The following ACBD3 variants were observed in gnomAD, a reference collection of about 807,000 sequenced individuals.
ACBD3 encodes the protein acyl-CoA binding domain containing 3.
ACBD3 carries 30 observed loss-of-function variants against 66.9 expected under a neutral mutation model. The ratio of observed to expected loss-of-function variants is 0.45; its 90% CI spans 0.34 to 0.61. ACBD3 has a LOEUF of 0.61. Among genes scored for constraint, ACBD3 ranks in the 20% least tolerant of loss-of-function variants. The pLI, the probability that ACBD3 is intolerant of heterozygous loss-of-function variation, is 0.02. For synonymous variants in ACBD3, 278 were observed against 259.8 expected (o/e 1.07, Z -0.68); for missense variants, 544 against 664.5 (o/e 0.82, Z 1.99).
At chr1:226,164,706 A>G (rs866392448) in intron 3 of ACBD3, 83 bp downstream of exon 3, 2 of 1,404,360 alleles carry the variant, frequency 1.4e-6, no homozygotes, top group East Asian at 2.5e-5. Context: ...CTGATCTAGA[A>G]CTAGAACAGA....
Position 226,164,893 on chromosome 1 carries a change from C to T in ACBD3, c.465G>A (p.Glu155=). The T allele has an allele frequency of 6.2e-7, 1 of 1,606,486 alleles. No homozygotes were observed. Among genetic ancestry groups the T allele is most frequent in the Non-Finnish European group, 8.5e-7 (1 of 1,176,444 alleles). Residue 155 remains glutamate, a synonymous_variant, in exon 3 of 8, where the codon GAG becomes GAA. Coordinates refer to ENST00000366812, the MANE Select transcript of ACBD3 (RefSeq NM_022735.4). The part of the protein sequence containing the change: ...EWAALGNMSK[E]DAMVEFVKLL... ...GCTTGACAAACTCCACCATGGCATCCTCTTTAGACATGTTTCCCAGGGCTG... is the reference window on the plus strand; with the variant it reads ...GCTTGACAAACTCCACCATGGCATCTTCTTTAGACATGTTTCCCAGGGCTG...
At chr1:226,163,267 GA>G (rs1659804270) in intron 3 of ACBD3, among the ~76,000 whole-genome samples, 1 of 152,076 alleles carries the variant, frequency 6.6e-6, no homozygotes, top group Non-Finnish European at 1.5e-5. Context: ...TTTTTAAAAC[GA>G]AAACGCAGCT....
intron 1 of ACBD3, among the ~76,000 whole-genome samples, chr1:226,183,617 G>T (rs1576243829): frequency 6.6e-6 from 1 of 152,156 alleles, no homozygotes; most frequent in African/African-American, 2.4e-5. Flanking sequence ...AAAGGTGCCG[G>T]GCACGGTGGC....
Position 226,161,625 on chromosome 1 carries a change from C to T in ACBD3, c.634G>A (p.Glu212Lys), listed in dbSNP as rs368235683. The change falls in exon 4 of 8, where the codon GAG (glutamate) becomes AAG (lysine). Residue 212 changes from glutamate to lysine, a missense_variant. Coordinates refer to ENST00000366812, the MANE Select transcript of ACBD3 (RefSeq NM_022735.4). ...TCCTCTTCTTCTCTCCTACGTTTCT[C>T]TTCCTCCTTTTGCAGACGTTCTCTT... ...EERERLQKEE[E>K]KRRREEEERL... 4 of 1,613,742 alleles carry T rather than the reference C, an allele frequency of 2.5e-6. No individual in the cohort carries two copies. The African/African-American group carries it at 5.3e-5, about 22-fold the overall frequency.
rs558450543 is a variant in ACBD3, at chr1:226,160,622, C to T, written c.728+909G>A. Among the ~76,000 whole-genome samples, 23 of 152,236 alleles carry T rather than the reference C, an allele frequency of 1.5e-4. 1 individual carries two copies. The highest frequency in any genetic ancestry group is 1.5e-3 in the Admixed American group (23 of 15,264). On this transcript the variant is annotated intron_variant, in intron 4 of 7. Transcript: ENST00000366812. The stretch of plus-strand genomic sequence containing the variant: ...ACTAAACCTTTTTCTGAGGAACTAC[C>T]CAGAAATAATGAGAAGAAATCAATG...
intron 5 of ACBD3, among the ~76,000 whole-genome samples, chr1:226,157,879 C>T (rs544645283): frequency 2.0e-5 from 3 of 152,160 alleles, no homozygotes; most frequent in Non-Finnish European, 4.4e-5. Flanking sequence ...CAAAGATTTG[C>T]GGTTTTGTCC....
At chr1:226,162,478 T>C (rs1659790273) in intron 3 of ACBD3, among the ~76,000 whole-genome samples, 1 of 152,176 alleles carries the variant, frequency 6.6e-6, no homozygotes, top group Non-Finnish European at 1.5e-5. Context: ...TGTAAAGCTT[T>C]TAATTTAAAA....
chr1:226,147,420 T>C (rs2102771796), intron 7 of ACBD3, among the ~76,000 whole-genome samples: 1 of 152,282 alleles, frequency 6.6e-6, no homozygotes, highest in South Asian at 2.1e-4. Flanking sequence ...CTTACTACCA[T>C]TCCTATTTCA....
intron 6 of ACBD3, among the ~76,000 whole-genome samples, chr1:226,154,379 T>C (rs537560410): frequency 1.4e-4 from 21 of 152,202 alleles, no homozygotes; most frequent in African/African-American, 4.1e-4. Context: ...AGCCTGTAAT[T>C]TGTTATGCAG....
At chr1:226,183,744 C>T (rs1576243887) in intron 1 of ACBD3, among the ~76,000 whole-genome samples, 2 of 151,936 alleles carry the variant, frequency 1.3e-5, no homozygotes. Flanking sequence ...AGTACCTGGG[C>T]GTGGTGGCAC....
chr1:226,164,595 C>T (rs1659836560), intron 3 of ACBD3, among the ~76,000 whole-genome samples, 194 bp downstream of exon 3: 1 of 152,154 alleles, frequency 6.6e-6, no homozygotes, highest in Non-Finnish European at 1.5e-5. Context: ...CAGTAGGAAG[C>T]AGTCCTCCCT....
At chr1:226,167,666 C>T (rs537257672) in intron 1 of ACBD3, among the ~76,000 whole-genome samples, 7 of 152,166 alleles carry the variant, frequency 4.6e-5, no homozygotes, top group African/African-American at 1.2e-4. Flanking sequence ...TTAAAGAAAA[C>T]GGGGAGGGCA....
At position 226,176,718 on chromosome 1, in the gene ACBD3, CT is replaced by C. The variant is rs201131925; in HGVS notation, c.286+9671del. ...GAAATTATTATCATAAAAACTGTGA[CT>C]ATATGAATATGAAAAGTAAAATATA... On this transcript the variant is annotated intron_variant, in intron 1 of 7. Coordinates refer to ENST00000366812, the MANE Select transcript of ACBD3 (RefSeq NM_022735.4). Among the ~76,000 whole-genome samples, 744 of 151,104 alleles carry C rather than the reference CT, an allele frequency of 4.9e-3. 7 individuals are homozygous for C. The highest frequency in any genetic ancestry group is 0.018 in the African/African-American group (718 of 40,510).
intron 3 of ACBD3, 107 bp from the exon 4 acceptor site, chr1:226,161,796 A>T (rs1004537051): frequency 1.5e-6 from 2 of 1,293,236 alleles, no homozygotes; most frequent in Admixed American, 6.1e-5. Context: ...AACAATGTGG[A>T]TATATACATC....
intron 7 of ACBD3, among the ~76,000 whole-genome samples, chr1:226,150,687 C>T (rs955554125): frequency 1.3e-5 from 2 of 152,002 alleles, no homozygotes; most frequent in Admixed American, 6.6e-5. Context: ...CAGGCTTTTT[C>T]AATCTTACAT....
chr1:226,180,892 G>A (rs1037054253), intron 1 of ACBD3, among the ~76,000 whole-genome samples: 8 of 151,732 alleles, frequency 5.3e-5, no homozygotes, highest in African/African-American at 1.7e-4. Context: ...CCAGCTACTC[G>A]GGAGGCTGAG....
Position 226,154,743 on chromosome 1 carries a change from T to A in ACBD3, c.994A>T (p.Met332Leu). ...KVNATVPSNM[M>L]SVNGQAKTHT... ...GTTTTGGCCTGTCCATTAACTGACA[T>A]CATATTACTTGGTACAGTTGCATTC... Residue 332 changes from methionine to leucine, a missense_variant, in exon 6 of 8, where the codon ATG (methionine) becomes TTG (leucine). By Grantham distance (15) the Met-to-Leu change is conservative. Coordinates refer to ENST00000366812, the MANE Select transcript of ACBD3 (RefSeq NM_022735.4). 6.2e-7 allele frequency: 1 copy of A among 1,613,920 alleles called. No individual in the cohort carries two copies. The highest frequency in any genetic ancestry group is 8.5e-7 in the Non-Finnish European group (1 of 1,179,910).
intron 5 of ACBD3, 160 bp from the exon 6 acceptor site, chr1:226,154,993 A>G (rs907602007): frequency 6.7e-6 from 3 of 451,074 alleles, no homozygotes; most frequent in Non-Finnish European, 1.1e-5. Context: ...TCTATAATGA[A>G]TATTATTAGT....
chr1:226,161,131 C>A (rs919621594), intron 4 of ACBD3, among the ~76,000 whole-genome samples: 2 of 137,788 alleles, frequency 1.5e-5, no homozygotes, highest in Non-Finnish European at 3.1e-5. Context: ...AACCCCCAAA[C>A]CTTCTAATAC....
Sources: allele counts gnomAD v4.1 joint callset (sites outside exome capture counted in the v4.1 genomes callset), GRCh38; gene constraint gnomAD v4.1.1; transcripts MANE v1.5; gene names NCBI Gene and HGNC (gene_info 2026-07-23, HGNC 2026-07-21).